Variants in AGBL4 observed in about 807,000 individuals in gnomAD.
AGBL4 encodes the protein cytosolic carboxypeptidase 6.
Under a neutral mutation model 66.4 loss-of-function variants are expected in AGBL4, and 58 were observed. The ratio of observed to expected loss-of-function variants is 0.87; its 90% CI spans 0.71 to 1.09. The LOEUF (loss-of-function observed/expected upper bound fraction) is 1.09. Among genes scored for constraint, AGBL4 ranks in the 50% least tolerant of loss-of-function variants. The pLI is 0.00. For missense variants in AGBL4, 579 were observed against 631.0 expected, an observed-to-expected ratio of 0.92 and a Z score of 0.88; for synonymous variants, 234 against 222.9, an observed-to-expected ratio of 1.05 and a Z score of -0.44.
At position 49,237,573 on chromosome 1, in the gene AGBL4, T is replaced by A. The variant is rs926402923; in HGVS notation, c.377+8197A>T. Among the ~76,000 whole-genome samples the A allele has an allele frequency of 5.5e-4, 55 of 100,380 alleles. 4 individuals are homozygous for A. The highest frequency in any genetic ancestry group is 1.7e-3 in the African/African-American group (44 of 25,574). The allele number at this position is 100,380 out of a possible 152,430, so 65.9% of individuals were successfully genotyped here. On this transcript the variant is annotated intron_variant, in intron 4 of 13. Transcript: ENST00000371839. ...ATATATATATATATATATATATATA[T>A]AAAACCTATCACAGTCTACTGGTGT... is the stretch of plus-strand genomic sequence containing the variant.
intron 4 of AGBL4, among the ~76,000 whole-genome samples, chr1:49,236,321 C>A (rs907892225): frequency 1.3e-5 from 2 of 152,144 alleles, no homozygotes; most frequent in African/African-American, 2.4e-5. Context: ...AGCCACCACA[C>A]CCAGCTCATT....
At chr1:48,831,274 C>T (rs1251554899) in intron 6 of AGBL4, among the ~76,000 whole-genome samples, 1 of 152,110 alleles carries the variant, frequency 6.6e-6, no homozygotes, top group African/African-American at 2.4e-5. Context: ...AGAACTAAGT[C>T]CCTCTCCTCC....
chr1:48,859,281 C>T (rs1197309759), intron 6 of AGBL4, among the ~76,000 whole-genome samples: 1 of 152,162 alleles, frequency 6.6e-6, no homozygotes, highest in Non-Finnish European at 1.5e-5. Context: ...GGAATCTGGT[C>T]ATTGCATACA....
intron 9 of AGBL4, among the ~76,000 whole-genome samples, chr1:48,620,060 G>A (rs181657559): frequency 1.3e-5 from 2 of 152,240 alleles, no homozygotes; most frequent in African/African-American, 4.8e-5. Context: ...CCCTCCGAAG[G>A]TTAAACCGTA....
chr1:48,979,150 T>C (rs573677606), intron 5 of AGBL4, among the ~76,000 whole-genome samples: 3 of 152,308 alleles, frequency 2.0e-5, no homozygotes, highest in South Asian at 2.1e-4. Flanking sequence ...ATTGGACTAA[T>C]AGTCCACACT....
chr1:48,659,332 A>T (rs1180545197), intron 7 of AGBL4, among the ~76,000 whole-genome samples: 2 of 152,154 alleles, frequency 1.3e-5, no homozygotes, highest in Non-Finnish European at 2.9e-5. Flanking sequence ...CCCTAGCTAG[A>T]TGGAAATGGT....
At chr1:49,860,466 TG>T (rs751866097) in intron 1 of AGBL4, among the ~76,000 whole-genome samples, 42 of 152,340 alleles carry the variant, frequency 2.8e-4, no homozygotes, top group Non-Finnish European at 5.7e-4. Context: ...GGAAGGCAGA[TG>T]CAAGTGAATC....
chr1:49,471,961 T>A (rs1254258344), intron 3 of AGBL4: 2 of 152,088 alleles, frequency 1.3e-5, no homozygotes, highest in South Asian at 4.1e-4. Flanking sequence ...ATGGTGTCAG[T>A]AGAGGAAATG....
At chr1:48,977,685 T>A (rs139075640) in intron 5 of AGBL4, among the ~76,000 whole-genome samples, 1 of 152,158 alleles carries the variant, frequency 6.6e-6, no homozygotes, top group Non-Finnish European at 1.5e-5. Flanking sequence ...GAGTTCCTTA[T>A]GCTACTAAGC....
intron 1 of AGBL4, among the ~76,000 whole-genome samples, chr1:49,993,674 G>C (rs1660132305): frequency 6.6e-6 from 1 of 152,112 alleles, no homozygotes; most frequent in Non-Finnish European, 1.5e-5. Flanking sequence ...TTTCCAAGCA[G>C]AAGCTTTAAA....
intron 9 of AGBL4, among the ~76,000 whole-genome samples, chr1:48,604,289 G>A (rs1312394373): frequency 6.6e-6 from 1 of 151,822 alleles, no homozygotes; most frequent in Non-Finnish European, 1.5e-5. Flanking sequence ...CTGGATTGAG[G>A]GGGGGCATCC....
At chr1:49,511,247 C>T (rs1468878034) in intron 3 of AGBL4, among the ~76,000 whole-genome samples, 1 of 151,540 alleles carries the variant, frequency 6.6e-6, no homozygotes, top group African/African-American at 2.4e-5. Context: ...AAATGTGGCA[C>T]ATATACACCA....
intron 4 of AGBL4, among the ~76,000 whole-genome samples, chr1:49,112,287 G>A (rs535985906): frequency 5.3e-5 from 8 of 152,252 alleles, no homozygotes; most frequent in Admixed American, 6.5e-5. Context: ...ATAAGATACC[G>A]TATTTGAAAT....
At chr1:49,740,756 C>T (rs150322849) in intron 2 of AGBL4, among the ~76,000 whole-genome samples, 79 of 152,306 alleles carry the variant, frequency 5.2e-4, no homozygotes, top group Middle Eastern at 3.4e-3. Flanking sequence ...TCACTCAGAA[C>T]CACTCAACTA....
intron 3 of AGBL4, among the ~76,000 whole-genome samples, chr1:49,352,366 C>CTTTT (rs35699154): frequency 0.017 from 1,368 of 82,832 alleles, 2 homozygotes; most frequent in Non-Finnish European, 0.024. Context: ...TGAATTGAAG[C>CTTTT]TTTTTTTTTT....
Position 49,215,045 on chromosome 1 carries a change from T to C in AGBL4, c.377+30725A>G, listed in dbSNP as rs535769275. Among the ~76,000 whole-genome samples the C allele has an allele frequency of 7.9e-5, 12 of 152,292 alleles. No individual in the cohort carries two copies. In the South Asian group the frequency reaches 1.9e-3, roughly 24 times the overall value. On this transcript the variant is annotated intron_variant, in intron 4 of 13. Transcript: ENST00000371839. Reference sequence around the variant, plus strand: ...GAGAAAGTAAAAAACTCACTCCATTTTTCTCCACTGAAATTCTCTCATCTT... The same window carrying C: ...GAGAAAGTAAAAAACTCACTCCATTCTTCTCCACTGAAATTCTCTCATCTT...
intron 2 of AGBL4, among the ~76,000 whole-genome samples, chr1:49,767,963 C>A (rs926467107): frequency 1.5e-4 from 22 of 150,438 alleles, no homozygotes; most frequent in African/African-American, 4.9e-4. Context: ...TGCATGTGTA[C>A]CCTAGAACTT....
chr1:49,085,625 A>T (rs1250138598), intron 4 of AGBL4, among the ~76,000 whole-genome samples: 1 of 151,906 alleles, frequency 6.6e-6, no homozygotes, highest in Non-Finnish European at 1.5e-5. Context: ...GTCAGGATCC[A>T]TCAAGCAGCA....
chr1:49,497,782 A>G (rs1330917590), intron 3 of AGBL4, among the ~76,000 whole-genome samples: 1 of 151,958 alleles, frequency 6.6e-6, no homozygotes, highest in South Asian at 2.1e-4. Context: ...TTTCATTACT[A>G]TAACACATTT....
Sources: allele counts gnomAD v4.1 joint callset (sites outside exome capture counted in the v4.1 genomes callset), GRCh38; gene constraint gnomAD v4.1.1; transcripts MANE v1.5; gene names NCBI Gene and HGNC (gene_info 2026-07-23, HGNC 2026-07-21).